STRBP: variants seen among roughly 807,000 people sequenced by gnomAD.
STRBP encodes spermatid perinuclear RNA binding protein.
In STRBP, 13 loss-of-function variants were observed where a neutral mutation model predicts 80.1. That is an observed-to-expected ratio of 0.16 (90% CI 0.11 to 0.26). The LOEUF (loss-of-function observed/expected upper bound fraction) is 0.26. Among genes scored for constraint, STRBP ranks in the 10% least tolerant of loss-of-function variants. The pLI, the probability that STRBP is intolerant of heterozygous loss-of-function variation, is 1.00. For missense variants in STRBP, 485 were observed against 815.2 expected (o/e 0.59, Z 4.93); for synonymous variants, 284 against 291.2 (o/e 0.98, Z 0.25).
chr9:123,251,151 GTC>G (rs1753882797), intron 1 of STRBP, among the ~76,000 whole-genome samples: 1 of 151,878 alleles, frequency 6.6e-6, no homozygotes, highest in African/African-American at 2.4e-5. Flanking sequence ...TTCTTTCTCT[GTC>G]TCTGTTTCTT....
Position 123,197,545 on chromosome 9 carries a change from C to T in STRBP, c.-164-13247G>A, listed in dbSNP as rs567496592. On this transcript the variant is annotated intron_variant, in intron 2 of 18. Transcript: ENST00000348403. ...GTCTCTAAAATTCATTATATCACTCCGTATGCCTTTGGGTACTCATAACTT... is the reference window on the plus strand; with the variant it reads ...GTCTCTAAAATTCATTATATCACTCTGTATGCCTTTGGGTACTCATAACTT... Among the ~76,000 whole-genome samples, 14 of 152,094 alleles carry T rather than the reference C, an allele frequency of 9.2e-5. No individual in the cohort carries two copies. In the South Asian group the frequency reaches 2.1e-3, roughly 23 times the overall value.
intron 3 of STRBP, among the ~76,000 whole-genome samples, chr9:123,180,318 T>G (rs2038403544): frequency 6.6e-6 from 1 of 152,200 alleles, no homozygotes; most frequent in South Asian, 2.1e-4. Flanking sequence ...AAGTTATCTG[T>G]GAACACTATA....
chr9:123,185,186 T>C (rs1588063578), intron 2 of STRBP, among the ~76,000 whole-genome samples: 1 of 152,188 alleles, frequency 6.6e-6, no homozygotes, highest in Non-Finnish European at 1.5e-5. Context: ...ATATATCGTA[T>C]AAACTCACAA....
chr9:123,233,215 G>A (rs1423520354), intron 2 of STRBP, among the ~76,000 whole-genome samples: 1 of 152,084 alleles, frequency 6.6e-6, no homozygotes, highest in Non-Finnish European at 1.5e-5. Flanking sequence ...CTGGACTACA[G>A]GCGCATACCA....
chr9:123,139,829 G>T (rs773110864), intron 13 of STRBP, 142 bp from the exon 14 acceptor site: 17 of 785,250 alleles, frequency 2.2e-5, no homozygotes, highest in Admixed American at 9.3e-5. Context: ...TACTAAATCT[G>T]TAAGTCCTTG....
At chr9:123,138,368 G>A (rs1015737936) in intron 14 of STRBP, among the ~76,000 whole-genome samples, 4 of 152,168 alleles carry the variant, frequency 2.6e-5, no homozygotes, top group African/African-American at 9.7e-5. Context: ...GACATCATCT[G>A]TCCTCCACAG....
intron 4 of STRBP, among the ~76,000 whole-genome samples, chr9:123,176,155 C>T (rs1375728220): frequency 6.6e-6 from 1 of 152,168 alleles, no homozygotes; most frequent in Non-Finnish European, 1.5e-5. Context: ...AGTTATTATT[C>T]CTTAAACAGT....
intron 2 of STRBP, among the ~76,000 whole-genome samples, chr9:123,200,734 A>T (rs1588089771): frequency 5.3e-5 from 2 of 37,504 alleles, no homozygotes; most frequent in African/African-American, 1.3e-4. Flanking sequence ...CACCCCGCTA[A>T]TTTTTTTTTT....
chr9:123,136,646 C>T lies in STRBP; in HGVS notation c.1498-131G>A. On this transcript the variant is annotated intron_variant, in intron 14 of 18. Transcript: ENST00000348403. This position sits in a 1 kb window ranked among gnomAD's most constrained non-coding sequence, Gnocchi z 4.2. ...AAAGCACTCAGGGGCTAGAATGAGT[C>T]ACCTCTTTACACAAATGGCAAAATA... is the stretch of plus-strand genomic sequence containing the variant. 9.9e-7 allele frequency: 1 copy of T among 1,009,676 alleles called. No individual in the cohort carries two copies. 62.5% of individuals were successfully genotyped at this position (1,009,676 alleles called of 1,614,324 possible). A position where few individuals can be genotyped will look rare whatever the true frequency, so the allele number is the denominator to read the frequency against.
intron 2 of STRBP, among the ~76,000 whole-genome samples, chr9:123,207,699 TTCTGCACATGTA>T (rs1263173793): frequency 6.6e-6 from 1 of 152,084 alleles, no homozygotes; most frequent in Non-Finnish European, 1.5e-5. Flanking sequence ...AACCTGCACG[TTCTGCACATGTA>T]TCCCAGAACT....
chr9:123,212,275 C>A (rs913679892), intron 2 of STRBP, among the ~76,000 whole-genome samples: 5 of 152,076 alleles, frequency 3.3e-5, no homozygotes, highest in African/African-American at 1.2e-4. Flanking sequence ...ACTCACAGAA[C>A]TTTATATTCA....
rs2036359977 is a variant in STRBP at position 123,136,536 on chromosome 9, G to C, written c.1498-21C>G. 1 of 1,608,952 alleles carries C rather than the reference G, an allele frequency of 6.2e-7. No homozygotes were observed. The highest frequency in any genetic ancestry group is 1.1e-5 in the South Asian group (1 of 89,922). On this transcript the variant is annotated intron_variant, in intron 14 of 18. Coordinates refer to ENST00000348403, the MANE Select transcript of STRBP (RefSeq NM_018387.5). The surrounding 1 kb of genome is among the most constrained non-coding windows in gnomAD (Gnocchi z 4.2). ...CTTACCTATAAGAGAAAGGGAATCT[G>C]AAGGTTCAATCAAGTAAGATTTTAG...
Position 123,160,489 on chromosome 9 carries a change from A to G in STRBP, c.628-27T>C. On this transcript the variant is annotated intron_variant, in intron 7 of 18. Coordinates refer to ENST00000348403, the MANE Select transcript of STRBP (RefSeq NM_018387.5). The stretch of plus-strand genomic sequence containing the variant: ...TAAAACAAACAAAATGATTCCAGAT[A>G]TCCCTATTGAGATCTATTCTTCATT... 2.6e-6 allele frequency: 4 copies of G among 1,547,224 alleles called. No homozygotes were observed. In the South Asian group the frequency reaches 3.6e-5, roughly 14 times the overall value.
downstream of STRBP, among the ~76,000 whole-genome samples, chr9:123,119,678 TG>T (rs2035698985): frequency 6.6e-6 from 1 of 152,140 alleles, no homozygotes; most frequent in South Asian, 2.1e-4. Flanking sequence ...GGCAGAGCCT[TG>T]CCCTCCTCAC....
intron 4 of STRBP, among the ~76,000 whole-genome samples, chr9:123,177,561 C>A (rs1201061664): frequency 6.6e-6 from 1 of 151,808 alleles, no homozygotes; most frequent in Non-Finnish European, 1.5e-5. Flanking sequence ...CAACAGAGCA[C>A]CCTATCTCTA....
downstream of STRBP, among the ~76,000 whole-genome samples, chr9:123,116,632 CAG>C (rs1372139271): frequency 1.3e-5 from 2 of 152,138 alleles, no homozygotes; most frequent in Non-Finnish European, 2.9e-5. Flanking sequence ...TCAAGGCGCA[CAG>C]GGGATAGCCC....
chr9:123,251,495 C>G (rs2040915924), intron 1 of STRBP, among the ~76,000 whole-genome samples: 1 of 152,156 alleles, frequency 6.6e-6, no homozygotes, highest in South Asian at 2.1e-4. Flanking sequence ...TCCACTTTAC[C>G]AGGTAACCTT....
At position 123,136,648 on chromosome 9, in the gene STRBP, C is replaced by A. The variant is rs1425518709; in HGVS notation, c.1498-133G>T. On this transcript the variant is annotated intron_variant, in intron 14 of 18. Transcript: ENST00000348403. This position sits in a 1 kb window ranked among gnomAD's most constrained non-coding sequence, Gnocchi z 4.2. ...AGCACTCAGGGGCTAGAATGAGTCA[C>A]CTCTTTACACAAATGGCAAAATATC... is the stretch of plus-strand genomic sequence containing the variant. 32 of 1,013,310 alleles carry A rather than the reference C, an allele frequency of 3.2e-5. No homozygotes were observed. The highest frequency in any genetic ancestry group is 4.3e-5 in the Non-Finnish European group (31 of 714,682). 62.8% of individuals were successfully genotyped at this position (1,013,310 alleles called of 1,614,324 possible). A position where few individuals can be genotyped will look rare whatever the true frequency, so the allele number is the denominator to read the frequency against.
At chr9:123,226,623 T>C (rs961332401) in intron 2 of STRBP, among the ~76,000 whole-genome samples, 2 of 152,184 alleles carry the variant, frequency 1.3e-5, no homozygotes. Flanking sequence ...ACCTCTGCCA[T>C]ACAGCCATCC....
Sources: gnomAD v4.1 joint callset for allele counts (sites outside exome capture counted in the v4.1 genomes callset) on GRCh38, gnomAD v4.1.1 for gene constraint, Gnocchi (gnomAD v3.1) non-coding constraint, MANE v1.5 for transcripts, NCBI Gene and HGNC (gene_info 2026-07-23, HGNC 2026-07-21) for gene names.